BRDT: variants seen among roughly 807,000 people sequenced by gnomAD.
The protein encoded by BRDT is bromodomain testis-specific protein.
Under a neutral mutation model 113.9 loss-of-function variants are expected in BRDT, and 77 were observed. That is an observed-to-expected ratio of 0.68 (90% CI 0.56 to 0.82). The LOEUF is 0.82. BRDT is among the 40% of genes least tolerant of loss of function. The pLI is 0.00. For missense variants in BRDT, 1,027 were observed against 1,105.4 expected, an observed-to-expected ratio of 0.93 and a Z score of 1.01; for synonymous variants, 358 against 366.5, an observed-to-expected ratio of 0.98 and a Z score of 0.26.
At chr1:91,971,793 CAG>C (rs1483098213) in intron 4 of BRDT, among the ~76,000 whole-genome samples, 1 of 152,192 alleles carries the variant, frequency 6.6e-6, no homozygotes, top group Non-Finnish European at 1.5e-5. Flanking sequence ...AGGCCTATAA[CAG>C]ATCCTTTCCT....
intron 1 of BRDT, among the ~76,000 whole-genome samples, chr1:91,958,332 C>T (rs1252712560): frequency 1.3e-5 from 2 of 151,422 alleles, no homozygotes; most frequent in Admixed American, 1.3e-4. Context: ...TCTCATGCCT[C>T]GGCCTCCTGA....
chr1:91,987,361 TCTCA>T (rs1685344874), intron 12 of BRDT, among the ~76,000 whole-genome samples: 1 of 151,674 alleles, frequency 6.6e-6, no homozygotes, highest in Admixed American at 6.6e-5. Flanking sequence ...TGAGATGGAA[TCTCA>T]CTCTGTTGCC....
intron 15 of BRDT, 52 bp from the exon 16 acceptor site, chr1:92,001,997 T>C: frequency 1.5e-6 from 2 of 1,315,406 alleles, no homozygotes; most frequent in Non-Finnish European, 2.1e-6. Flanking sequence ...AAATTCTGGG[T>C]AAGTAGGATG....
At chr1:91,979,474 A>T in intron 7 of BRDT, 95 bp from the exon 8 acceptor site, 1 of 1,226,006 alleles carries the variant, frequency 8.2e-7, no homozygotes, top group Non-Finnish European at 1.2e-6. Context: ...TTCTGGTCAA[A>T]ATATGACACT....
chr1:92,000,469 A>G (rs1364891325), intron 15 of BRDT, among the ~76,000 whole-genome samples: 3 of 152,158 alleles, frequency 2.0e-5, no homozygotes, highest in African/African-American at 7.2e-5. Flanking sequence ...GCATTCTTTG[A>G]CAGTGTTTTG....
intron 12 of BRDT, among the ~76,000 whole-genome samples, chr1:91,988,164 G>A (rs1157826442): frequency 6.6e-6 from 1 of 151,958 alleles, no homozygotes; most frequent in African/African-American, 2.4e-5. Context: ...AACTTTTTTT[G>A]TCAGTTTAAA....
intron 15 of BRDT, among the ~76,000 whole-genome samples, chr1:92,001,357 A>G (rs1686818828): frequency 6.6e-6 from 1 of 152,200 alleles, no homozygotes; most frequent in Non-Finnish European, 1.5e-5. Flanking sequence ...TAGATAAGTT[A>G]TGCTATGGTT....
At chr1:92,008,169 C>T (rs533838932) in intron 18 of BRDT, among the ~76,000 whole-genome samples, 21 of 152,268 alleles carry the variant, frequency 1.4e-4, no homozygotes, top group African/African-American at 3.4e-4. Flanking sequence ...CCACCCACCT[C>T]GGCCTCCCAA....
intron 4 of BRDT, among the ~76,000 whole-genome samples, chr1:91,974,002 C>A (rs974445742): frequency 2.0e-5 from 3 of 152,196 alleles, no homozygotes; most frequent in African/African-American, 7.2e-5. Context: ...ACTATCTGAT[C>A]TTTGACAAAC....
At chr1:91,988,102 C>T (rs1187144308) in intron 12 of BRDT, among the ~76,000 whole-genome samples, 1 of 152,152 alleles carries the variant, frequency 6.6e-6, no homozygotes, top group African/African-American at 2.4e-5. Context: ...CCACCTTGGC[C>T]TCCCAAAGTG....
intron 15 of BRDT, among the ~76,000 whole-genome samples, chr1:91,999,250 G>A (rs1417761394): frequency 2.6e-5 from 4 of 152,056 alleles, no homozygotes; most frequent in African/African-American, 4.8e-5. Context: ...TATAAGCTTC[G>A]GTGGCTCACA....
intron 12 of BRDT, among the ~76,000 whole-genome samples, chr1:91,987,109 T>C (rs1022201333): frequency 4.0e-5 from 6 of 151,584 alleles, no homozygotes; most frequent in African/African-American, 1.5e-4. Context: ...TAGTAGAGAG[T>C]GGGTTTCCCC....
intron 4 of BRDT, among the ~76,000 whole-genome samples, chr1:91,973,272 T>C (rs1307089724): frequency 1.3e-5 from 2 of 152,204 alleles, no homozygotes; most frequent in Admixed American, 1.3e-4. Context: ...CGGGCTCTTT[T>C]TTAGTTCCAT....
At chr1:91,995,605 G>A (rs1359704695) in intron 15 of BRDT, among the ~76,000 whole-genome samples, 4 of 151,824 alleles carry the variant, frequency 2.6e-5, no homozygotes, top group African/African-American at 7.3e-5. Context: ...TGGGATTACA[G>A]GCATGTGCCA....
In BRDT at chr1:91,962,869, G is replaced by A; in HGVS notation, c.115G>A (p.Val39Ile). 6.2e-7 allele frequency: 1 copy of A among 1,612,812 alleles called. No homozygotes were observed. The highest frequency in any genetic ancestry group is 1.1e-5 in the South Asian group (1 of 90,686). Residue 39 changes from valine (V) to isoleucine (I), a missense_variant, in exon 2 of 19, where the codon GTC (valine) becomes ATC (isoleucine). By Grantham distance (29) the Val-to-Ile change is conservative. Coordinates refer to ENST00000399546, the MANE Select transcript of BRDT (RefSeq NM_207189.4). ...TNQLQYLQKV[V>I]LKDLWKHSFS... is the part of the protein sequence containing the mutation. Reference sequence around the variant, plus strand: ...TCAACTTCAGTATCTACAAAAAGTTGTCCTAAAGGATTTATGGAAGCATAG... The same window carrying A: ...TCAACTTCAGTATCTACAAAAAGTTATCCTAAAGGATTTATGGAAGCATAG...
chr1:92,009,582 C>T (rs2101832015), intron 18 of BRDT, among the ~76,000 whole-genome samples: 1 of 133,354 alleles, frequency 7.5e-6, no homozygotes, highest in East Asian at 2.4e-4. Context: ...CACAGTCTCA[C>T]TCTGTTGCCC....
rs374044683 is a variant in BRDT, at chr1:92,007,896, TATTCATTC to T, written c.2775+2618_2775+2625del. On this transcript the variant is annotated intron_variant, in intron 18 of 18. Coordinates refer to ENST00000399546, the MANE Select transcript of BRDT (RefSeq NM_207189.4). The stretch of plus-strand genomic sequence containing the variant: ...TCATTCCTTTATTTATTTATTTATT[TATTCATTC>T]ATTCATTCATTCATTCATTCGTTTA... Among the ~76,000 whole-genome samples the T allele has an allele frequency of 7.8e-3, 1,176 of 150,770 alleles. 16 individuals are homozygous for T. Among genetic ancestry groups the T allele is most frequent in the African/African-American group, 0.027 (1,103 of 41,022 alleles).
chr1:91,991,311 C>A, intron 13 of BRDT, 66 bp downstream of exon 13: 1 of 856,922 alleles, frequency 1.2e-6, no homozygotes, highest in Non-Finnish European at 1.7e-6. Context: ...ATAGTAGTAG[C>A]TTTCTTTAAA....
At chr1:91,976,155 C>CG in intron 4 of BRDT, 111 bp from the exon 5 acceptor site, 1 of 1,017,286 alleles carries the variant, frequency 9.8e-7, no homozygotes, top group Non-Finnish European at 1.3e-6. Flanking sequence ...AATAAGTATC[C>CG]TATGCTTATA....
Sources: gnomAD v4.1 joint callset for allele counts (sites outside exome capture counted in the v4.1 genomes callset) on GRCh38, gnomAD v4.1.1 for gene constraint, MANE v1.5 for transcripts, NCBI Gene and HGNC (gene_info 2026-07-23, HGNC 2026-07-21) for gene names.